The following KIF1A variants were observed in gnomAD, a reference collection of about 807,000 sequenced individuals.
KIF1A encodes the protein kinesin family member 1A.
In KIF1A, 46 loss-of-function variants were observed where a neutral mutation model predicts 227.3. The ratio of observed to expected loss-of-function variants is 0.20; its 90% CI spans 0.16 to 0.26. KIF1A has a LOEUF of 0.26. Among genes scored for constraint, KIF1A ranks in the 10% least tolerant of loss-of-function variants. The pLI, the probability that KIF1A is intolerant of heterozygous loss-of-function variation, is 1.00. For synonymous variants in KIF1A, 1,022 were observed against 1,012.8 expected (o/e 1.01, Z -0.17); for missense variants, 1,683 against 2,485.9 (o/e 0.68, Z 6.87).
chr2:240,768,700 G>A (rs1292349412), intron 17 of KIF1A, among the ~76,000 whole-genome samples: 2 of 152,112 alleles, frequency 1.3e-5, no homozygotes, highest in African/African-American at 4.8e-5. Flanking sequence ...CTGGCCTGGT[G>A]GGAAAAGAGG....
At chr2:240,794,954 G>C (rs1028893747) in intron 2 of KIF1A, among the ~76,000 whole-genome samples, 1 of 152,214 alleles carries the variant, frequency 6.6e-6, no homozygotes, top group African/African-American at 2.4e-5. Flanking sequence ...GTGTCCTGGA[G>C]GAAATGCCCT....
intron 33 of KIF1A, among the ~76,000 whole-genome samples, chr2:240,743,660 C>G (rs1052046247): frequency 2.0e-5 from 3 of 152,184 alleles, no homozygotes; most frequent in Admixed American, 6.5e-5. Flanking sequence ...CCCCAGCATC[C>G]TACAGCTGGC....
intron 33 of KIF1A, among the ~76,000 whole-genome samples, chr2:240,743,303 C>T (rs1276940312): frequency 1.3e-5 from 2 of 152,200 alleles, no homozygotes; most frequent in African/African-American, 4.8e-5. Context: ...CCCTGGAGGG[C>T]CCCTGAGCTC....
chr2:240,786,162 G>A (rs1160736887), intron 6 of KIF1A, among the ~76,000 whole-genome samples, 173 bp downstream of exon 6: 5 of 152,178 alleles, frequency 3.3e-5, no homozygotes, highest in African/African-American at 9.7e-5. Context: ...GGGAGCCCTC[G>A]GCCTCTCTCG....
intron 1 of KIF1A, among the ~76,000 whole-genome samples, chr2:240,811,737 G>T (rs547772737): frequency 6.6e-6 from 1 of 152,296 alleles, no homozygotes; most frequent in South Asian, 2.1e-4. Flanking sequence ...CAGGCTCAAG[G>T]GTGGCAGGGA....
chr2:240,792,634 G>A lies in KIF1A; in HGVS notation c.107-3322C>T, dbSNP rs2055862524. On this transcript the variant is annotated intron_variant, in intron 2 of 48. Transcript: ENST00000498729. This position sits in a 1 kb window ranked among gnomAD's most constrained non-coding sequence, Gnocchi z 4.5. ...TTTCCTGCGGCCTTGAGCACCAGGT[G>A]TGAGGGCCGAGCTGAGCTGGCTCTT... is the stretch of plus-strand genomic sequence containing the variant. Among the ~76,000 whole-genome samples, 1 of 152,192 alleles carries A rather than the reference G, an allele frequency of 6.6e-6. No homozygotes were observed. The highest frequency in any genetic ancestry group is 2.4e-5 in the African/African-American group (1 of 41,434).
chr2:240,794,660 T>G (rs2056165389), intron 2 of KIF1A, among the ~76,000 whole-genome samples: 1 of 152,246 alleles, frequency 6.6e-6, no homozygotes, highest in East Asian at 1.9e-4. Context: ...AACGCACACC[T>G]TTGACCACTT....
intron 38 of KIF1A, among the ~76,000 whole-genome samples, chr2:240,732,388 A>G (rs1466212666): frequency 7.4e-6 from 1 of 135,196 alleles, no homozygotes; most frequent in African/African-American, 2.8e-5. Context: ...GGGCGGAGGG[A>G]ATGAAGGGAG....
At chr2:240,760,922 C>T (rs945072747) in intron 24 of KIF1A, 79 bp from the exon 25 acceptor site, 38 of 1,371,112 alleles carry the variant, frequency 2.8e-5, no homozygotes, top group Non-Finnish European at 3.7e-5. Flanking sequence ...TCCTTCCCAC[C>T]TTCTGGAGAT....
intron 10 of KIF1A, among the ~76,000 whole-genome samples, chr2:240,779,273 C>T (rs941780455): frequency 8.1e-6 from 1 of 124,202 alleles, no homozygotes; most frequent in Non-Finnish European, 1.8e-5. Context: ...TCCTCACTCA[C>T]TTCCTCACTC....
Position 240,746,114 on chromosome 2 carries a change from G to A in KIF1A, c.3127C>T (p.Arg1043Cys). The change falls in exon 30 of 49, where the codon CGC (arginine) becomes TGC (cysteine). Residue 1043 changes from arginine to cysteine, a missense_variant. Physicochemically the swap from Arg to Cys is radical, Grantham distance 180. This residue lies in a region of KIF1A where 759 missense variants were observed against 1,020.2 expected (regional missense o/e 0.74). Coordinates refer to ENST00000498729, the MANE Select transcript of KIF1A (RefSeq NM_001244008.2). ...CCCTGGCCCTGGCCCTCCACGATGCGAAGCTCTTCCTGGGAGGTTCCCGAG... is the reference window on the plus strand; with the variant it reads ...CCCTGGCCCTGGCCCTCCACGATGCAAAGCTCTTCCTGGGAGGTTCCCGAG... The part of the protein sequence containing the change: ...SRSGTSQEEL[R>C]IVEGQGQGAD... 1.9e-6 allele frequency: 3 copies of A among 1,580,794 alleles called. No homozygotes were observed. Among genetic ancestry groups the A allele is most frequent in the African/African-American group, 1.3e-5 (1 of 74,272 alleles).
At chr2:240,719,742 G>A in intron 46 of KIF1A, 32 bp downstream of exon 46, 3 of 1,519,578 alleles carry the variant, frequency 2.0e-6, no homozygotes, top group Non-Finnish European at 2.7e-6. Context: ...CACAGAGCTG[G>A]TGGCGGTGCT....
rs2125791372 is a variant in KIF1A at position 240,745,809 on chromosome 2, G to A, written c.3303C>T (p.Phe1101=). Residue 1101 remains phenylalanine (F), a synonymous_variant, in exon 31 of 49, where the codon TTC becomes TTT. Transcript: ENST00000498729. The stretch of plus-strand genomic sequence containing the variant: ...CCTGCAGGACTGTCACACGGAAGGT[G>A]AAGGTGTTGCCCAGGCGGAGGTGGT... The part of the protein sequence containing the change: ...ALDHLRLGNT[F]TFRVTVLQAS... The A allele has an allele frequency of 6.2e-7, 1 of 1,613,052 alleles. No individual in the cohort carries two copies. The highest frequency in any genetic ancestry group is 8.5e-7 in the Non-Finnish European group (1 of 1,179,700).
intron 23 of KIF1A, 78 bp downstream of exon 23, chr2:240,762,641 C>G (rs2050669713): frequency 2.1e-6 from 3 of 1,425,462 alleles, no homozygotes; most frequent in Non-Finnish European, 2.8e-6. Context: ...CAGTGACCTC[C>G]AGGGAGAGGC....
chr2:240,781,670 A>C, intron 10 of KIF1A: 1 of 751,386 alleles, frequency 1.3e-6, no homozygotes, highest in Non-Finnish European at 1.6e-6. Context: ...TTCCCCACGC[A>C]GGTCCTCCGT....
At position 240,747,372 on chromosome 2, in the gene KIF1A, G is replaced by A. The variant is rs115376815; in HGVS notation, c.2978-51C>T. 0.021 allele frequency: 31,781 copies of A among 1,498,350 alleles called. 681 individuals are homozygous for A. Among genetic ancestry groups the A allele is most frequent in the African/African-American group, 0.093 (6,742 of 72,468 alleles). 92.8% of individuals were successfully genotyped at this position (1,498,350 alleles called of 1,614,324 possible). On this transcript the variant is annotated intron_variant, in intron 28 of 48. Coordinates refer to ENST00000498729, the MANE Select transcript of KIF1A (RefSeq NM_001244008.2). The stretch of plus-strand genomic sequence containing the variant: ...TGGAGCCCAGCTTGTCCCCTGAGGT[G>A]GGTGTGGGCAGAGCCAGGCTGGGCC...
At chr2:240,808,178 A>G (rs2057578046) in intron 1 of KIF1A, among the ~76,000 whole-genome samples, 1 of 152,202 alleles carries the variant, frequency 6.6e-6, no homozygotes, top group African/African-American at 2.4e-5. Context: ...AACAAACAAC[A>G]TAAATATGAA....
At chr2:240,771,973 C>T (rs1324531947) in intron 14 of KIF1A, among the ~76,000 whole-genome samples, 4 of 152,184 alleles carry the variant, frequency 2.6e-5, no homozygotes, top group Admixed American at 2.0e-4. Flanking sequence ...AAGTGGAGGG[C>T]GCCCTGCAGC....
chr2:240,778,023 G>C lies in KIF1A; in HGVS notation c.883-2097C>G, dbSNP rs552772295. On this transcript the variant is annotated intron_variant, in intron 10 of 48. Transcript: ENST00000498729. This position sits in a 1 kb window ranked among gnomAD's most constrained non-coding sequence, Gnocchi z 7.2. ...TCGCCGTTCCCCGCACGGTTCCCACGCGGCTGCTCGCAGCTCACCACACAG... is the reference window on the plus strand; with the variant it reads ...TCGCCGTTCCCCGCACGGTTCCCACCCGGCTGCTCGCAGCTCACCACACAG... Among the ~76,000 whole-genome samples the C allele has an allele frequency of 6.6e-6, 1 of 152,152 alleles. No homozygotes were observed. Among genetic ancestry groups the C allele is most frequent in the African/African-American group, 2.4e-5 (1 of 41,504 alleles).
Sources: gnomAD v4.1 joint callset for allele counts (sites outside exome capture counted in the v4.1 genomes callset) on GRCh38, gnomAD v4.1.1 for gene constraint, gnomAD v4.1.1 regional missense constraint, Gnocchi (gnomAD v3.1) non-coding constraint, MANE v1.5 for transcripts, NCBI Gene and HGNC (gene_info 2026-07-23, HGNC 2026-07-21) for gene names.